Variants in MRC1 observed in about 807,000 individuals in gnomAD.
MRC1 encodes the protein macrophage mannose receptor 1.
A neutral mutation model predicts 102.9 loss-of-function variants in MRC1; 62 were observed. That is an observed-to-expected ratio of 0.60 (90% CI 0.49 to 0.74). The LOEUF (loss-of-function observed/expected upper bound fraction) is 0.74, where lower values mean the gene tolerates loss of function less well. Ranked by LOEUF, MRC1 falls within the 30% of genes least tolerant of loss-of-function variation. The pLI is 0.00. For synonymous variants in MRC1, 457 were observed against 298.4 expected (o/e 1.53, Z -5.48); for missense variants, 1,237 against 862.8 (o/e 1.43, Z -5.43).
At chr10:17,826,914 T>C (rs1194440238) in intron 2 of MRC1, among the ~76,000 whole-genome samples, 2 of 152,210 alleles carry the variant, frequency 1.3e-5, no homozygotes, top group Admixed American at 6.5e-5. Context: ...ATGGTCATTG[T>C]TGAGGAACTC....
At chr10:17,873,592 C>T (rs1183097115) in intron 15 of MRC1, among the ~76,000 whole-genome samples, 192 bp from the exon 16 acceptor site, 1 of 151,636 alleles carries the variant, frequency 6.6e-6, no homozygotes, top group Non-Finnish European at 1.5e-5. Context: ...TTTAATTCTT[C>T]ACTTCTTATT....
intron 12 of MRC1, among the ~76,000 whole-genome samples, chr10:17,867,075 T>TC (rs1314792809): frequency 3.5e-5 from 5 of 143,204 alleles, no homozygotes; most frequent in African/African-American, 5.2e-5. Context: ...CTCCCTCCAT[T>TC]CCCCCCTTGC....
rs1345049329 is a variant in MRC1, at chr10:17,902,038, A to T, written c.3715A>T (p.Ile1239Phe). 3.8e-6 allele frequency: 3 copies of T among 780,710 alleles called. No homozygotes were observed. Among genetic ancestry groups the T allele is most frequent in the Non-Finnish European group, 7.2e-6 (3 of 417,958 alleles). The allele number at this position is 780,710 out of a possible 1,614,324, so 48.4% of individuals were successfully genotyped here. A position where few individuals can be genotyped will look rare whatever the true frequency, so the allele number is the denominator to read the frequency against. Reference sequence around the variant, plus strand: ...CCCGGAGTCAGATCACACAGCATGGATTCCTTTCCATGGTCACTGTTACTA... The same window carrying T: ...CCCGGAGTCAGATCACACAGCATGGTTTCCTTTCCATGGTCACTGTTACTA... ...RCPESDHTAWIPFHGHCYYIE... is the reference protein window; with the variant it reads ...RCPESDHTAWFPFHGHCYYIE... The change falls in exon 26 of 30, where the codon ATT becomes TTT. Residue 1239 changes from isoleucine to phenylalanine, a missense_variant. By Grantham distance (21) the Ile-to-Phe change is conservative. Transcript: ENST00000569591.
At chr10:17,888,319 G>C (rs1833628558) in intron 22 of MRC1, among the ~76,000 whole-genome samples, 1 of 152,166 alleles carries the variant, frequency 6.6e-6, no homozygotes, top group Admixed American at 6.5e-5. Flanking sequence ...TGAAATGTAA[G>C]TTTCAGGTTG....
At chr10:17,894,674 C>T (rs985300732) in intron 23 of MRC1, among the ~76,000 whole-genome samples, 8 of 152,012 alleles carry the variant, frequency 5.3e-5, no homozygotes, top group Non-Finnish European at 7.4e-5. Flanking sequence ...GCTGGGATTA[C>T]AGGAGTAAGC....
chr10:17,858,860 C>T (rs1354197948), intron 9 of MRC1, among the ~76,000 whole-genome samples: 2 of 152,244 alleles, frequency 1.3e-5, no homozygotes, highest in Non-Finnish European at 2.9e-5. Flanking sequence ...TCTTTCAGTT[C>T]TTGAAAGTGA....
rs1465393750 is a variant in MRC1 at position 17,907,422 on chromosome 10, A to G, written c.3914-112A>G. Reference sequence around the variant, plus strand: ...CTGTTAAGTCTGGTTATAAATGACTATTGATTCTAGTATAAAAGAATATGC... The same window carrying G: ...CTGTTAAGTCTGGTTATAAATGACTGTTGATTCTAGTATAAAAGAATATGC... On this transcript the variant is annotated intron_variant, in intron 27 of 29. Coordinates refer to ENST00000569591, the MANE Select transcript of MRC1 (RefSeq NM_002438.4). 8 of 744,926 alleles carry G rather than the reference A, an allele frequency of 1.1e-5. 1 individual carries two copies. Among genetic ancestry groups the G allele is most frequent in the South Asian group, 7.5e-5 (5 of 66,508 alleles). 46.1% of individuals were successfully genotyped at this position (744,926 alleles called of 1,614,324 possible).
At chr10:17,833,982 G>A (rs1321296583) in intron 4 of MRC1, 143 bp downstream of exon 4, 4 of 635,710 alleles carry the variant, frequency 6.3e-6, no homozygotes, top group Non-Finnish European at 1.1e-5. Flanking sequence ...TGACAAATCT[G>A]TACTCTGAAA....
intron 26 of MRC1, among the ~76,000 whole-genome samples, chr10:17,903,036 G>T (rs1833849611): frequency 6.6e-6 from 1 of 151,972 alleles, no homozygotes; most frequent in Admixed American, 6.6e-5. Flanking sequence ...TCTAATATTT[G>T]TGTAGCCACT....
intron 28 of MRC1, among the ~76,000 whole-genome samples, chr10:17,908,021 AGCC>A (rs1833919089): frequency 1.3e-5 from 2 of 152,208 alleles, no homozygotes. Flanking sequence ...AAGGTGGTAA[AGCC>A]AGTACCAGCC....
At position 17,821,606 on chromosome 10, in the gene MRC1, C is replaced by T. The variant is rs568532150; in HGVS notation, c.62-1468C>T. 2.3e-3 allele frequency among the ~76,000 whole-genome samples: 354 copies of T among 152,020 alleles called. 3 individuals carry two copies. The highest frequency in any genetic ancestry group is 8.0e-3 in the African/African-American group (331 of 41,452). ...GTGTGGACAAGAGCATACAGAGGAG[C>T]GTGTCAGGAGAAAATAATCTTTTGA... On this transcript the variant is annotated intron_variant, in intron 1 of 29. Coordinates refer to ENST00000569591, the MANE Select transcript of MRC1 (RefSeq NM_002438.4).
intron 6 of MRC1, 26 bp downstream of exon 6, chr10:17,845,461 G>A: frequency 1.3e-6 from 1 of 780,446 alleles, no homozygotes; most frequent in Non-Finnish European, 2.4e-6. Context: ...GATCTGAAGT[G>A]CCTCAACTAT....
chr10:17,876,565 C>T (rs2130684663), intron 17 of MRC1, among the ~76,000 whole-genome samples: 1 of 152,206 alleles, frequency 6.6e-6, no homozygotes, highest in East Asian at 1.9e-4. Flanking sequence ...CATTTTTTAG[C>T]TTGGATTTTG....
At chr10:17,901,123 C>A (rs1318606258) in intron 25 of MRC1, among the ~76,000 whole-genome samples, 170 bp downstream of exon 25, 1 of 152,092 alleles carries the variant, frequency 6.6e-6, no homozygotes, top group Non-Finnish European at 1.5e-5. Flanking sequence ...ATACATAGAT[C>A]AAAATAATGG....
At chr10:17,836,685 A>G (rs1037499904) in intron 4 of MRC1, among the ~76,000 whole-genome samples, 3 of 151,826 alleles carry the variant, frequency 2.0e-5, no homozygotes, top group Non-Finnish European at 4.4e-5. Flanking sequence ...AAATACAAAA[A>G]ATTAGCTGGG....
intron 2 of MRC1, among the ~76,000 whole-genome samples, chr10:17,826,759 G>T (rs1407516822): frequency 3.9e-5 from 6 of 152,144 alleles, no homozygotes; most frequent in Non-Finnish European, 7.4e-5. Flanking sequence ...AACATTTCTA[G>T]TTGAACCCAG....
In MRC1 at chr10:17,825,891, G is replaced by A. The variant is rs944473331; in HGVS notation, c.464-1651G>A. 7.2e-5 allele frequency among the ~76,000 whole-genome samples: 11 copies of A among 152,254 alleles called. No individual in the cohort carries two copies. The East Asian group carries it at 9.7e-4, about 13-fold the overall frequency. ...AGTCATCCCAGTGACTAAGAATGGC[G>A]CAATTATTTCTGAATACAGCGTGTT... On this transcript the variant is annotated intron_variant, in intron 2 of 29. Transcript: ENST00000569591.
Position 17,850,256 on chromosome 10 carries a change from G to GTT in MRC1, c.1249+504_1249+505dup, listed in dbSNP as rs71507247. Among the ~76,000 whole-genome samples the GTT allele has an allele frequency of 3.8e-5, 5 of 131,530 alleles. 1 individual carries two copies. The highest frequency in any genetic ancestry group is 8.0e-5 in the Admixed American group (1 of 12,446). 86.3% of individuals were successfully genotyped at this position (131,530 alleles called of 152,430 possible). On this transcript the variant is annotated intron_variant, in intron 7 of 29. Transcript: ENST00000569591. ...GTGTTGAACAGTGAAAAATATAGGA[G>GTT]TTTTTTTTTTTTTGAAATGGTTAGA...
At chr10:17,866,199 G>A (rs1020486962) in intron 11 of MRC1, among the ~76,000 whole-genome samples, 2 of 150,880 alleles carry the variant, frequency 1.3e-5, no homozygotes, top group Admixed American at 6.6e-5. Context: ...GAAAACCTAC[G>A]TAGACCTTAG....
Sources: gnomAD v4.1 joint callset for allele counts (sites outside exome capture counted in the v4.1 genomes callset) on GRCh38, gnomAD v4.1.1 for gene constraint, MANE v1.5 for transcripts, NCBI Gene and HGNC (gene_info 2026-07-23, HGNC 2026-07-21) for gene names.